The following TLN2 variants were observed in gnomAD, a reference collection of about 807,000 sequenced individuals.
The protein encoded by TLN2 is talin-2.
TLN2 carries 118 observed loss-of-function variants against 294.7 expected under a neutral mutation model. The ratio of observed to expected loss-of-function variants is 0.40; its 90% CI spans 0.34 to 0.47. The LOEUF (loss-of-function observed/expected upper bound fraction) is 0.47, where lower values mean the gene tolerates loss of function less well. TLN2 is among the 20% of genes least tolerant of loss of function. The pLI, the probability that TLN2 is intolerant of heterozygous loss-of-function variation, is 0.84. For synonymous variants in TLN2, 1,431 were observed against 1,304.5 expected (o/e 1.10, Z -2.09); for missense variants, 3,083 against 3,282.2 (o/e 0.94, Z 1.48).
At chr15:62,460,326 C>A (rs2140338853) in intron 1 of TLN2, among the ~76,000 whole-genome samples, 1 of 150,544 alleles carries the variant, frequency 6.6e-6, no homozygotes. Flanking sequence ...AGTGCAATGG[C>A]ATGATCTCAG....
In TLN2 at chr15:62,756,853, C is replaced by T. The variant is rs374545036; in HGVS notation, c.4638+1160C>T. On this transcript the variant is annotated intron_variant, in intron 37 of 58. Transcript: ENST00000636159. ...AAGCTGGCAGTCAGCACATGGGGCT[C>T]GCACCCCAGTCAGCAGCTTCTTAGC... Among the ~76,000 whole-genome samples the T allele has an allele frequency of 9.2e-5, 14 of 152,098 alleles. No homozygotes were observed. In the East Asian group the frequency reaches 2.0e-3, roughly 21 times the overall value.
At chr15:62,602,508 C>T (rs894580816) in intron 2 of TLN2, among the ~76,000 whole-genome samples, 3 of 152,210 alleles carry the variant, frequency 2.0e-5, no homozygotes, top group East Asian at 3.8e-4. Flanking sequence ...AAATCTTACT[C>T]TGTAGTCTCT....
chr15:62,435,594 T>C (rs984557841), intron 1 of TLN2, among the ~76,000 whole-genome samples: 1 of 152,236 alleles, frequency 6.6e-6, no homozygotes, highest in African/African-American at 2.4e-5. Context: ...CAGGCTGGAG[T>C]GCGATGGCGC....
chr15:62,703,625 GCGCACACACA>G (rs2058864880), intron 19 of TLN2, among the ~76,000 whole-genome samples: 1 of 78,228 alleles, frequency 1.3e-5, no homozygotes, highest in Non-Finnish European at 2.8e-5. Context: ...ACACACACGC[GCGCACACACA>G]CACACACACA....
chr15:62,788,108 C>T (rs1023591257), intron 45 of TLN2, among the ~76,000 whole-genome samples: 2 of 151,542 alleles, frequency 1.3e-5, no homozygotes, highest in East Asian at 4.0e-4. Context: ...GCCAGGAGTT[C>T]GAGACCAGCC....
chr15:62,720,569 A>G (rs11071688), intron 25 of TLN2, among the ~76,000 whole-genome samples: 114,934 of 151,998 alleles, frequency 0.76, 46,677 homozygotes, highest in East Asian at 0.95. Context: ...TTCAAGTTAT[A>G]TAACTCTAAC....
At chr15:62,418,835 C>T (rs1253675352) in intron 1 of TLN2, among the ~76,000 whole-genome samples, 1 of 152,120 alleles carries the variant, frequency 6.6e-6, no homozygotes. Context: ...TAGGGTGGGG[C>T]AGAAGCAAAT....
chr15:62,598,633 C>T (rs2046743138), intron 2 of TLN2, among the ~76,000 whole-genome samples: 1 of 151,712 alleles, frequency 6.6e-6, no homozygotes, highest in Non-Finnish European at 1.5e-5. Context: ...GTGTGTAAGT[C>T]AAGTACATTT....
At chr15:62,606,333 C>G (rs192546687) in intron 2 of TLN2, among the ~76,000 whole-genome samples, 59 of 151,914 alleles carry the variant, frequency 3.9e-4, no homozygotes, top group African/African-American at 1.4e-3. Context: ...TCAGGCGATC[C>G]ACCCACCTCA....
intron 3 of TLN2, among the ~76,000 whole-genome samples, chr15:62,641,874 T>G (rs2140916887): frequency 6.6e-6 from 1 of 152,288 alleles, no homozygotes; most frequent in African/African-American, 2.4e-5. Flanking sequence ...CTGCTCATCT[T>G]GACCAATGAC....
At chr15:62,825,462 AAGG>A (rs1191893075) in intron 54 of TLN2, among the ~76,000 whole-genome samples, 1 of 151,668 alleles carries the variant, frequency 6.6e-6, no homozygotes, top group African/African-American at 2.4e-5. Context: ...ACTGTTCAGG[AAGG>A]AGGAGGACAA....
At chr15:62,608,168 C>T (rs1464572018) in intron 2 of TLN2, among the ~76,000 whole-genome samples, 2 of 152,120 alleles carry the variant, frequency 1.3e-5, no homozygotes, top group African/African-American at 4.8e-5. Context: ...TATTGAGCAT[C>T]TACAAAGTGC....
At chr15:62,804,546 C>T (rs868165622) in intron 50 of TLN2, among the ~76,000 whole-genome samples, 4 of 152,198 alleles carry the variant, frequency 2.6e-5, no homozygotes, top group Middle Eastern at 3.4e-3. Context: ...TGCTGTGAGC[C>T]GGGTTGACTG....
intron 1 of TLN2, among the ~76,000 whole-genome samples, chr15:62,492,742 A>T (rs1280486657): frequency 6.6e-6 from 1 of 152,132 alleles, no homozygotes; most frequent in Non-Finnish European, 1.5e-5. Context: ...GTAAGTTTTT[A>T]TTTCCCATTC....
At chr15:62,655,111 T>C (rs761974170) in intron 7 of TLN2, among the ~76,000 whole-genome samples, 1 of 152,182 alleles carries the variant, frequency 6.6e-6, no homozygotes, top group Non-Finnish European at 1.5e-5. Flanking sequence ...AGTTATATAC[T>C]TCTTTTCAAG....
Position 62,717,658 on chromosome 15 carries a change from C to T in TLN2, c.2846C>T (p.Ala949Val), listed in dbSNP as rs374123983. ...QNAAVSNKNP[A>V]AQQQLVQSCK... ...GCAGCTGTTTCCAACAAGAACCCTGCGGCCCAGCAGCAGCTGGTCCAGAGT... is the reference window on the plus strand; with the variant it reads ...GCAGCTGTTTCCAACAAGAACCCTGTGGCCCAGCAGCAGCTGGTCCAGAGT... Residue 949 changes from alanine to valine, a missense_variant, in exon 24 of 59, where the codon GCG (alanine) becomes GTG (valine). By Grantham distance (64) the Ala-to-Val change is moderately conservative (BLOSUM62 0). Coordinates refer to ENST00000636159, the MANE Select transcript of TLN2 (RefSeq NM_015059.3). 5.0e-5 allele frequency: 80 copies of T among 1,601,450 alleles called. 1 individual carries two copies. Among genetic ancestry groups the T allele is most frequent in the Middle Eastern group, 5.0e-4 (3 of 6,050 alleles).
At chr15:62,619,995 G>GA (rs2048648995) in intron 3 of TLN2, among the ~76,000 whole-genome samples, 1 of 152,010 alleles carries the variant, frequency 6.6e-6, no homozygotes, top group Non-Finnish European at 1.5e-5. Context: ...TATTTTTAGA[G>GA]ATGGAGGTCT....
intron 1 of TLN2, among the ~76,000 whole-genome samples, chr15:62,413,027 AG>A (rs1355456619): frequency 1.3e-5 from 2 of 152,126 alleles, no homozygotes; most frequent in Non-Finnish European, 2.9e-5. Context: ...GATAGGGAGG[AG>A]GGGAAGAGGG....
chr15:62,832,340 A>G (rs1008537126), intron 54 of TLN2: 1 of 152,222 alleles, frequency 6.6e-6, no homozygotes, highest in South Asian at 2.1e-4. Context: ...TCATCTCTCA[A>G]TGCCTGAAAG....
Sources: allele counts gnomAD v4.1 joint callset (sites outside exome capture counted in the v4.1 genomes callset), GRCh38; gene constraint gnomAD v4.1.1; transcripts MANE v1.5; gene names NCBI Gene and HGNC (gene_info 2026-07-23, HGNC 2026-07-21).